Variants in KREMEN1 observed in about 807,000 individuals in gnomAD.
KREMEN1 encodes the protein kringle containing transmembrane protein 1, also known as kremen protein 1.
Under a neutral mutation model 46.5 loss-of-function variants are expected in KREMEN1, and 30 were observed. The ratio of observed to expected loss-of-function variants is 0.65; its 90% CI spans 0.48 to 0.88. The LOEUF is 0.88. Among genes scored for constraint, KREMEN1 ranks in the 40% least tolerant of loss-of-function variants. The probability of loss-of-function intolerance (pLI) is 0.00; values close to 1 mark genes in which losing one functional copy is unlikely to be tolerated. For synonymous variants in KREMEN1, 214 were observed against 230.6 expected (o/e 0.93, Z 0.65); for missense variants, 533 against 596.9 (o/e 0.89, Z 1.11).
At chr22:29,120,625 A>AGGG (rs1167677627) in intron 3 of KREMEN1, among the ~76,000 whole-genome samples, 36 of 151,930 alleles carry the variant, frequency 2.4e-4, no homozygotes, top group Middle Eastern at 3.4e-3. Context: ...GAAACGGAGG[A>AGGG]AGGAGAGGTG....
At chr22:29,160,910 T>C (rs2039004747) in intron 9 of KREMEN1, among the ~76,000 whole-genome samples, 1 of 151,966 alleles carries the variant, frequency 6.6e-6, no homozygotes, top group South Asian at 2.1e-4. Context: ...GACACAAAAA[T>C]TCATACAAAG....
chr22:29,155,678 G>T (rs2038954983), intron 9 of KREMEN1, among the ~76,000 whole-genome samples: 1 of 152,128 alleles, frequency 6.6e-6, no homozygotes, highest in African/African-American at 2.4e-5. Flanking sequence ...AAATTTGGAG[G>T]CTGGGCCCGG....
chr22:29,158,092 G>A (rs1162578845), intron 9 of KREMEN1, among the ~76,000 whole-genome samples: 3 of 152,238 alleles, frequency 2.0e-5, no homozygotes, highest in Non-Finnish European at 4.4e-5. Flanking sequence ...TCGTAGTCAT[G>A]TCAGGGCCCA....
downstream of KREMEN1, among the ~76,000 whole-genome samples, chr22:29,149,977 G>A (rs6006030): frequency 7.2e-5 from 11 of 152,336 alleles, no homozygotes; most frequent in South Asian, 2.1e-4. Flanking sequence ...TGGGCCATGC[G>A]TGCCTGAAAC....
intron 5 of KREMEN1, among the ~76,000 whole-genome samples, chr22:29,127,026 A>G (rs1176822946): frequency 6.6e-6 from 1 of 152,254 alleles, no homozygotes; most frequent in African/African-American, 2.4e-5. Flanking sequence ...TCTCTGCCTT[A>G]ACACTGTAAC....
chr22:29,150,075 A>G (rs907169028), downstream of KREMEN1, among the ~76,000 whole-genome samples: 1 of 152,264 alleles, frequency 6.6e-6, no homozygotes, highest in Admixed American at 6.5e-5. Flanking sequence ...GTTTTCGCTC[A>G]GCTCAAAGGG....
intron 1 of KREMEN1, among the ~76,000 whole-genome samples, chr22:29,091,135 G>A (rs550760163): frequency 3.3e-5 from 5 of 152,166 alleles, no homozygotes; most frequent in Admixed American, 2.6e-4. Context: ...TACCACCCCC[G>A]GCTAATTTTG....
intron 5 of KREMEN1, among the ~76,000 whole-genome samples, chr22:29,130,026 C>T (rs565777237): frequency 6.6e-6 from 1 of 152,374 alleles, no homozygotes; most frequent in Non-Finnish European, 1.5e-5. Context: ...CTTCTAGGCC[C>T]TGAAGGGAGG....
chr22:29,114,486 CAA>C (rs134685), intron 3 of KREMEN1, among the ~76,000 whole-genome samples: 4 of 88,068 alleles, frequency 4.5e-5, no homozygotes, highest in South Asian at 4.3e-4. Flanking sequence ...AACTCCGTGT[CAA>C]AAAAAAAAAA....
At chr22:29,160,705 A>C (rs1308331389) in intron 9 of KREMEN1, among the ~76,000 whole-genome samples, 1 of 152,200 alleles carries the variant, frequency 6.6e-6, no homozygotes, top group Non-Finnish European at 1.5e-5. Context: ...ACAAAATACC[A>C]AAATCTCTGG....
chr22:29,083,403 A>G (rs1202886600), intron 1 of KREMEN1, among the ~76,000 whole-genome samples: 3 of 152,240 alleles, frequency 2.0e-5, no homozygotes, highest in Non-Finnish European at 4.4e-5. Context: ...TCTACATATT[A>G]TAGACCTGAA....
intron 4 of KREMEN1, among the ~76,000 whole-genome samples, chr22:29,122,429 A>G (rs1057117253): frequency 2.4e-4 from 36 of 152,206 alleles, no homozygotes; most frequent in African/African-American, 8.7e-4. Flanking sequence ...ATATGCACAT[A>G]CCTTAAAACT....
At position 29,137,698 on chromosome 22, in the gene KREMEN1, G is replaced by T. The variant is rs1031478481; in HGVS notation, c.964+24G>T. On this transcript the variant is annotated intron_variant, in intron 6 of 8. Transcript: ENST00000400335. ...AGGTAAGACATCTTTGCCTCCTTGG[G>T]GGTTCTTCAGGGCCCACGTGCCTTG... is the stretch of plus-strand genomic sequence containing the variant. 5.8e-6 allele frequency: 9 copies of T among 1,545,988 alleles called. No homozygotes were observed. In the African/African-American group the frequency reaches 1.2e-4, roughly 21 times the overall value.
intron 1 of KREMEN1, among the ~76,000 whole-genome samples, chr22:29,079,723 G>A (rs2031199284): frequency 6.6e-6 from 1 of 152,216 alleles, no homozygotes; most frequent in Non-Finnish European, 1.5e-5. Context: ...GTAGCTATCA[G>A]CGTGTATGAT....
chr22:29,163,901 T>C (rs1198633133), intron 9 of KREMEN1, among the ~76,000 whole-genome samples: 2 of 151,976 alleles, frequency 1.3e-5, no homozygotes, highest in Non-Finnish European at 2.9e-5. Context: ...AACCTGCGTA[T>C]GTACGCCCTA....
chr22:29,126,669 A>G (rs1049171931), intron 5 of KREMEN1, among the ~76,000 whole-genome samples: 2 of 152,198 alleles, frequency 1.3e-5, no homozygotes, highest in South Asian at 2.1e-4. Context: ...TTCAGCCACT[A>G]TATATATGGT....
intron 9 of KREMEN1, chr22:29,166,981 C>A: frequency 7.9e-7 from 1 of 1,270,716 alleles, no homozygotes; most frequent in Non-Finnish European, 1.1e-6. Flanking sequence ...TCTAACTGTT[C>A]TCTCCCTCCG....
At chr22:29,164,216 G>A (rs750872754) in intron 9 of KREMEN1, among the ~76,000 whole-genome samples, 19 of 152,250 alleles carry the variant, frequency 1.2e-4, no homozygotes, top group Non-Finnish European at 2.4e-4. Context: ...TGACTATGGT[G>A]TGGGGGGCCT....
At chr22:29,083,837 A>T (rs1382885830) in intron 1 of KREMEN1, among the ~76,000 whole-genome samples, 3 of 152,328 alleles carry the variant, frequency 2.0e-5, no homozygotes, top group Admixed American at 1.3e-4. Flanking sequence ...TCTCAAAAAA[A>T]AAAAGAAAGA....
Sources: allele counts gnomAD v4.1 joint callset (sites outside exome capture counted in the v4.1 genomes callset), GRCh38; gene constraint gnomAD v4.1.1; transcripts MANE v1.5; gene names NCBI Gene and HGNC (gene_info 2026-07-23, HGNC 2026-07-21).